The following TMEM184B variants were observed in gnomAD, a reference collection of about 807,000 sequenced individuals.
The protein encoded by TMEM184B is transmembrane protein 184B, also known as putative MAPK-activating protein FM08.
A neutral mutation model predicts 41.8 loss-of-function variants in TMEM184B; 17 were observed. The ratio of observed to expected loss-of-function variants is 0.41; its 90% CI spans 0.28 to 0.61. TMEM184B has a LOEUF of 0.61. Ranked by LOEUF, TMEM184B falls within the 20% of genes least tolerant of loss-of-function variation. TMEM184B has a pLI of 0.34. For synonymous variants in TMEM184B, 240 were observed against 229.5 expected (o/e 1.05, Z -0.41); for missense variants, 393 against 557.8 (o/e 0.70, Z 2.98).
chr22:38,217,650 A>G (rs904670811), downstream of TMEM184B, among the ~76,000 whole-genome samples: 1 of 151,588 alleles, frequency 6.6e-6, no homozygotes, highest in African/African-American at 2.4e-5. Flanking sequence ...TCAAAAAAAA[A>G]AAGAAAAACA....
intron 1 of TMEM184B, among the ~76,000 whole-genome samples, chr22:38,263,867 C>T (rs568517875): frequency 2.6e-5 from 4 of 152,326 alleles, no homozygotes; most frequent in African/African-American, 9.6e-5. Flanking sequence ...TGCGGTGATG[C>T]AATCTCAGCT....
rs2091425268 is a variant in TMEM184B, at chr22:38,226,003, T to C, written c.618-410A>G. Among the ~76,000 whole-genome samples, 2 of 150,944 alleles carry C rather than the reference T, an allele frequency of 1.3e-5. No individual in the cohort carries two copies. The highest frequency in any genetic ancestry group is 1.3e-4 in the Admixed American group (2 of 15,252). On this transcript the variant is annotated intron_variant, in intron 6 of 8. Transcript: ENST00000361906. This position sits in a 1 kb window ranked among gnomAD's most constrained non-coding sequence, Gnocchi z 4.6. ...CTGACCTCCTTTTGCCCACCTGCCC[T>C]GGCAGGGCTGTTACACAGTTCACAG...
intron 1 of TMEM184B, among the ~76,000 whole-genome samples, chr22:38,259,131 T>G (rs985065375): frequency 1.7e-4 from 26 of 152,320 alleles, no homozygotes; most frequent in Admixed American, 1.5e-3. Context: ...CGCAGCTATG[T>G]CGTCACTGAA....
chr22:38,232,737 G>T lies in TMEM184B; in HGVS notation c.359-1403C>A, dbSNP rs538661567. Among the ~76,000 whole-genome samples the T allele has an allele frequency of 3.3e-5, 5 of 152,186 alleles. No individual in the cohort carries two copies. The South Asian group carries it at 1.0e-3, about 32-fold the overall frequency. On this transcript the variant is annotated intron_variant, in intron 3 of 8. Coordinates refer to ENST00000361906, the MANE Select transcript of TMEM184B (RefSeq NM_012264.5). Reference sequence around the variant, plus strand: ...AGCTTGGCACTTGATCTTTCAATGGGTGACCTGGTCCCTGCCCAAGCTCCC... The same window carrying T: ...AGCTTGGCACTTGATCTTTCAATGGTTGACCTGGTCCCTGCCCAAGCTCCC...
Position 38,225,805 on chromosome 22 carries a change from T to A in TMEM184B, c.618-212A>T, listed in dbSNP as rs892477996. Among the ~76,000 whole-genome samples, 3 of 152,174 alleles carry A rather than the reference T, an allele frequency of 2.0e-5. No individual in the cohort carries two copies. The highest frequency in any genetic ancestry group is 4.4e-5 in the Non-Finnish European group (3 of 68,026). On this transcript the variant is annotated intron_variant, in intron 6 of 8. Coordinates refer to ENST00000361906, the MANE Select transcript of TMEM184B (RefSeq NM_012264.5). This position sits in a 1 kb window ranked among gnomAD's most constrained non-coding sequence, Gnocchi z 4.4. ...TGCAGGCCAGACCAGCTCTACTGCC[T>A]CTGCGTGGCTCGTGGACTTGTCTAA...
intron 3 of TMEM184B, among the ~76,000 whole-genome samples, chr22:38,240,625 C>G (rs766927628): frequency 1.3e-5 from 2 of 151,414 alleles, no homozygotes; most frequent in Non-Finnish European, 2.9e-5. Context: ...TGGAAGGGCC[C>G]GCCAGGTTGC....
intron 1 of TMEM184B, among the ~76,000 whole-genome samples, chr22:38,267,936 T>C (rs1055331156): frequency 1.3e-5 from 2 of 152,184 alleles, no homozygotes; most frequent in Non-Finnish European, 2.9e-5. Context: ...TACCCAAGCA[T>C]AGGGCTTCAG....
intron 3 of TMEM184B, among the ~76,000 whole-genome samples, chr22:38,241,459 G>C (rs1312114640): frequency 2.0e-5 from 3 of 149,532 alleles, no homozygotes; most frequent in African/African-American, 7.4e-5. Flanking sequence ...AGGTCGAGGC[G>C]CAAGGATCAT....
chr22:38,270,127 G>A (rs1336935593), intron 1 of TMEM184B, among the ~76,000 whole-genome samples: 1 of 152,214 alleles, frequency 6.6e-6, no homozygotes, highest in Non-Finnish European at 1.5e-5. Context: ...CTGCGTCTGA[G>A]AGGTGAGGCA....
intron 3 of TMEM184B, among the ~76,000 whole-genome samples, chr22:38,245,060 G>A (rs916401704): frequency 6.6e-6 from 1 of 152,198 alleles, no homozygotes; most frequent in African/African-American, 2.4e-5. Context: ...CCAAGTCCCC[G>A]GAAGGAATCG....
intron 1 of TMEM184B, among the ~76,000 whole-genome samples, chr22:38,271,809 C>A (rs573820281): frequency 2.6e-5 from 4 of 152,314 alleles, no homozygotes; most frequent in Admixed American, 2.6e-4. Flanking sequence ...GCACCCTAGG[C>A]AAGGTTCAGA....
chr22:38,231,570 G>A, intron 3 of TMEM184B: 2 of 650,478 alleles, frequency 3.1e-6, no homozygotes, highest in Non-Finnish European at 5.6e-6. Flanking sequence ...ATGCACCCCT[G>A]CACTGGCGTA....
Position 38,226,035 on chromosome 22 carries a change from T to C in TMEM184B, c.618-442A>G, listed in dbSNP as rs1381483543. ...GCTGTTACACAGTTCACAGACAGTG[T>C]GTGCCGAGAGCTTGAAAGCACAGGG... On this transcript the variant is annotated intron_variant, in intron 6 of 8. Coordinates refer to ENST00000361906, the MANE Select transcript of TMEM184B (RefSeq NM_012264.5). The surrounding 1 kb of genome is among the most constrained non-coding windows in gnomAD (Gnocchi z 4.6). Among the ~76,000 whole-genome samples, 3 of 151,970 alleles carry C rather than the reference T, an allele frequency of 2.0e-5. No homozygotes were observed. Among genetic ancestry groups the C allele is most frequent in the African/African-American group, 7.3e-5 (3 of 41,340 alleles).
Position 38,225,707 on chromosome 22 carries a change from T to G in TMEM184B, c.618-114A>C. ...CTCAGCCCCACACCTCCAGCAGAGC[T>G]CAACGAGCCACTGAAGGGGTCAGAA... On this transcript the variant is annotated intron_variant, in intron 6 of 8. Coordinates refer to ENST00000361906, the MANE Select transcript of TMEM184B (RefSeq NM_012264.5). This position sits in a 1 kb window ranked among gnomAD's most constrained non-coding sequence, Gnocchi z 4.4. The G allele has an allele frequency of 8.3e-7, 1 of 1,207,848 alleles. No individual in the cohort carries two copies. Among genetic ancestry groups the G allele is most frequent in the Non-Finnish European group, 1.1e-6 (1 of 905,454 alleles). 74.8% of individuals were successfully genotyped at this position (1,207,848 alleles called of 1,614,324 possible).
At chr22:38,261,055 C>T (rs946970201) in intron 1 of TMEM184B, among the ~76,000 whole-genome samples, 1 of 152,186 alleles carries the variant, frequency 6.6e-6, no homozygotes, top group Non-Finnish European at 1.5e-5. Flanking sequence ...CAGACTCGAG[C>T]ACTGTTCATC....
chr22:38,258,812 A>T (rs1180483200), intron 1 of TMEM184B, among the ~76,000 whole-genome samples: 1 of 152,214 alleles, frequency 6.6e-6, no homozygotes, highest in Non-Finnish European at 1.5e-5. Flanking sequence ...CAGACTTAGA[A>T]GAACCTTTGG....
intron 1 of TMEM184B, among the ~76,000 whole-genome samples, chr22:38,260,351 CG>C (rs2092352676): frequency 6.6e-6 from 1 of 152,120 alleles, no homozygotes; most frequent in Non-Finnish European, 1.5e-5. Context: ...CCACCGCACC[CG>C]ACCTAATTTG....
Position 38,247,900 on chromosome 22 carries a change from G to A in TMEM184B, c.62C>T (p.Ser21Leu), listed in dbSNP as rs777968266. 62 of 1,608,794 alleles carry A rather than the reference G, an allele frequency of 3.9e-5. No homozygotes were observed. Among genetic ancestry groups the A allele is most frequent in the East Asian group, 1.6e-4 (7 of 44,782 alleles). ...DPASPTTAAA[S>L]PSVSVIPEGS... ...CTCGGGGATCACGGAGACGCTGGGC[G>A]AGGCTGCTGCGGTCGTGGGCGACGC... The change falls in exon 2 of 9, where the codon TCG becomes TTG. Residue 21 changes from serine (S) to leucine (L), a missense_variant. Physicochemically the swap from Ser to Leu is moderately radical, Grantham distance 145. Around this residue, in one of 2 missense-constraint regions of TMEM184B, gnomAD observed 122 missense variants for 123.7 expected, o/e 0.99. Transcript: ENST00000361906.
At chr22:38,261,352 G>A (rs997981757) in intron 1 of TMEM184B, among the ~76,000 whole-genome samples, 11 of 152,064 alleles carry the variant, frequency 7.2e-5, no homozygotes, top group East Asian at 1.9e-4. Flanking sequence ...CTCTCCTTCC[G>A]TCTCCCCTTC....
Sources: allele counts gnomAD v4.1 joint callset (sites outside exome capture counted in the v4.1 genomes callset), GRCh38; gene constraint gnomAD v4.1.1; regional missense constraint gnomAD v4.1.1; non-coding constraint Gnocchi (gnomAD v3.1); transcripts MANE v1.5; gene names NCBI Gene and HGNC (gene_info 2026-07-23, HGNC 2026-07-21).